The following KCNQ3 variants were observed in gnomAD, a reference collection of about 807,000 sequenced individuals.
The protein encoded by KCNQ3 is potassium voltage-gated channel subfamily KQT member 3.
In KCNQ3, 30 loss-of-function variants were observed where a neutral mutation model predicts 92.5. The ratio of observed to expected loss-of-function variants is 0.32; its 90% CI spans 0.24 to 0.44. KCNQ3 has a LOEUF of 0.44. KCNQ3 is among the 20% of genes least tolerant of loss of function. KCNQ3 has a pLI of 1.00. For synonymous variants in KCNQ3, 450 were observed against 468.8 expected, an observed-to-expected ratio of 0.96 and a Z score of 0.52; for missense variants, 913 against 1,140.3, an observed-to-expected ratio of 0.80 and a Z score of 2.87.
chr8:132,248,768 T>C (rs1016282585), intron 1 of KCNQ3, among the ~76,000 whole-genome samples: 8 of 152,176 alleles, frequency 5.3e-5, no homozygotes, highest in Admixed American at 5.2e-4. Flanking sequence ...GGTGATTGGC[T>C]GAAGAACAAG....
At chr8:132,370,302 C>A (rs73345940) in intron 1 of KCNQ3, among the ~76,000 whole-genome samples, 10,542 of 151,186 alleles carry the variant, frequency 0.07, 417 homozygotes, top group South Asian at 0.15. Flanking sequence ...TGCGTGCCTG[C>A]TAAATGGATG....
In KCNQ3 at chr8:132,296,538, A is replaced by C. The variant is rs538365484; in HGVS notation, c.387-110357T>G. ...ATATCTCCTAATGCTATCCCTCCCCACTCCCCCCACCCCACAACAGTCCCC... is the reference window on the plus strand; with the variant it reads ...ATATCTCCTAATGCTATCCCTCCCCCCTCCCCCCACCCCACAACAGTCCCC... On this transcript the variant is annotated intron_variant, in intron 1 of 14. Coordinates refer to ENST00000388996, the MANE Select transcript of KCNQ3 (RefSeq NM_004519.4). Among the ~76,000 whole-genome samples the C allele has an allele frequency of 9.0e-4, 120 of 132,922 alleles. 1 individual carries two copies. Among genetic ancestry groups the C allele is most frequent in the Admixed American group, 1.9e-3 (25 of 12,910 alleles). The allele number at this position is 132,922 out of a possible 152,430, so 87.2% of individuals were successfully genotyped here.
chr8:132,391,929 T>A (rs923117817), intron 1 of KCNQ3, among the ~76,000 whole-genome samples: 1 of 152,146 alleles, frequency 6.6e-6, no homozygotes, highest in Admixed American at 6.5e-5. Context: ...GAAGGGAAGA[T>A]AATAATCCAT....
chr8:132,213,630 C>T (rs966444349), intron 1 of KCNQ3, among the ~76,000 whole-genome samples: 4 of 152,210 alleles, frequency 2.6e-5, no homozygotes, highest in Non-Finnish European at 5.9e-5. Flanking sequence ...TCTGTTCCTC[C>T]CTGGCTCAAA....
At chr8:132,369,924 C>T (rs1819426918) in intron 1 of KCNQ3, among the ~76,000 whole-genome samples, 1 of 152,226 alleles carries the variant, frequency 6.6e-6, no homozygotes, top group Non-Finnish European at 1.5e-5. Context: ...TCTTTATCCA[C>T]ACTTTCCTCA....
chr8:132,191,642 T>C (rs1483239821), intron 1 of KCNQ3, among the ~76,000 whole-genome samples: 2 of 146,460 alleles, frequency 1.4e-5, no homozygotes, highest in East Asian at 3.9e-4. Context: ...TTAATATATA[T>C]AATATATATA....
At chr8:132,292,688 T>C (rs1218795979) in intron 1 of KCNQ3, among the ~76,000 whole-genome samples, 1 of 152,160 alleles carries the variant, frequency 6.6e-6, no homozygotes, top group Non-Finnish European at 1.5e-5. Context: ...TGTTATGATA[T>C]ATAATTGGTT....
chr8:132,387,239 C>T (rs757689077), intron 1 of KCNQ3, among the ~76,000 whole-genome samples: 32 of 152,092 alleles, frequency 2.1e-4, no homozygotes, highest in Admixed American at 3.3e-4. Context: ...GCCAAGAACA[C>T]AAAAGATAGC....
At position 132,466,766 on chromosome 8, in the gene KCNQ3, ACT is replaced by A. The variant is rs1265736522; in HGVS notation, c.386+13379_386+13380del. Among the ~76,000 whole-genome samples, 11 of 152,082 alleles carry A rather than the reference ACT, an allele frequency of 7.2e-5. No homozygotes were observed. In the South Asian group the frequency reaches 1.9e-3, roughly 26 times the overall value. ...TGGGAGGATAGAGTGAAAAAATCTT[ACT>A]CTTTTTATACTTTATATAGCAAGCC... is the stretch of plus-strand genomic sequence containing the variant. On this transcript the variant is annotated intron_variant, in intron 1 of 14. Coordinates refer to ENST00000388996, the MANE Select transcript of KCNQ3 (RefSeq NM_004519.4).
At chr8:132,199,667 T>TG (rs1315086003) in intron 1 of KCNQ3, among the ~76,000 whole-genome samples, 2 of 152,338 alleles carry the variant, frequency 1.3e-5, no homozygotes, top group East Asian at 3.9e-4. Context: ...CCCAGCACTT[T>TG]GGGAAGCCTG....
At chr8:132,205,629 T>C (rs1813631541) in intron 1 of KCNQ3, among the ~76,000 whole-genome samples, 1 of 152,230 alleles carries the variant, frequency 6.6e-6, no homozygotes, top group Non-Finnish European at 1.5e-5. Context: ...CAGGCTAAGG[T>C]ATTTAATTTA....
At chr8:132,234,943 C>A (rs1252917918) in intron 1 of KCNQ3, among the ~76,000 whole-genome samples, 2 of 152,180 alleles carry the variant, frequency 1.3e-5, no homozygotes, top group African/African-American at 4.8e-5. Flanking sequence ...AAATCACATT[C>A]CGTGGTGATG....
At chr8:132,146,696 G>C (rs112977672) in intron 9 of KCNQ3, among the ~76,000 whole-genome samples, 3 of 151,822 alleles carry the variant, frequency 2.0e-5, no homozygotes, top group African/African-American at 7.3e-5. Flanking sequence ...GGGTTCAAGC[G>C]ATTCTCCTCA....
At chr8:132,429,768 G>A (rs1330608926) in intron 1 of KCNQ3, among the ~76,000 whole-genome samples, 1 of 151,202 alleles carries the variant, frequency 6.6e-6, no homozygotes, top group African/African-American at 2.4e-5. Flanking sequence ...GGCTGAGGCA[G>A]GAGAATCCCT....
intron 1 of KCNQ3, among the ~76,000 whole-genome samples, chr8:132,235,681 T>G (rs1336123632): frequency 6.6e-6 from 1 of 152,176 alleles, no homozygotes; most frequent in African/African-American, 2.4e-5. Context: ...TGCCAGTCAT[T>G]CCCTGAACAC....
chr8:132,176,659 C>T (rs1442535844), intron 4 of KCNQ3, among the ~76,000 whole-genome samples: 1 of 152,154 alleles, frequency 6.6e-6, no homozygotes, highest in Non-Finnish European at 1.5e-5. Flanking sequence ...CACATGGGTC[C>T]TGCAGTCTGA....
At position 132,138,172 on chromosome 8, in the gene KCNQ3, T is replaced by C. The variant is rs115701859; in HGVS notation, c.1569-156A>G. ...AACGTTTGGTTCTGGTTCTACCCCTTGGAACACACAGAGTTAGTACATCTC... is the reference window on the plus strand; with the variant it reads ...AACGTTTGGTTCTGGTTCTACCCCTCGGAACACACAGAGTTAGTACATCTC... On this transcript the variant is annotated intron_variant, in intron 11 of 14. Transcript: ENST00000388996. Among the ~76,000 whole-genome samples, 2,763 of 152,308 alleles carry C rather than the reference T, an allele frequency of 0.018. 87 individuals are homozygous for C. The highest frequency in any genetic ancestry group is 0.063 in the African/African-American group (2,623 of 41,550).
Position 132,434,327 on chromosome 8 carries a change from G to A in KCNQ3, c.386+45820C>T, listed in dbSNP as rs190684141. The stretch of plus-strand genomic sequence containing the variant: ...TCTCCTCCTCTGTTTTTCTTTGTAG[G>A]TTTTATCACTGCTTAACATACTATT... On this transcript the variant is annotated intron_variant, in intron 1 of 14. Coordinates refer to ENST00000388996, the MANE Select transcript of KCNQ3 (RefSeq NM_004519.4). 4.6e-5 allele frequency among the ~76,000 whole-genome samples: 7 copies of A among 151,940 alleles called. No individual in the cohort carries two copies. The East Asian group carries it at 1.2e-3, about 25-fold the overall frequency.
intron 1 of KCNQ3, among the ~76,000 whole-genome samples, chr8:132,245,849 C>T (rs567726808): frequency 3.9e-5 from 6 of 152,298 alleles, no homozygotes; most frequent in African/African-American, 1.4e-4. Context: ...GTTTGCTTAT[C>T]CACTAGTTAG....
Sources: gnomAD v4.1 joint callset for allele counts (sites outside exome capture counted in the v4.1 genomes callset) on GRCh38, gnomAD v4.1.1 for gene constraint, MANE v1.5 for transcripts, NCBI Gene and HGNC (gene_info 2026-07-23, HGNC 2026-07-21) for gene names.